The following CDH8 variants were observed in gnomAD, a reference collection of about 807,000 sequenced individuals.
The protein encoded by CDH8 is cadherin-8.
Under a neutral mutation model 68.1 loss-of-function variants are expected in CDH8, and 17 were observed. That is an observed-to-expected ratio of 0.25 (90% CI 0.17 to 0.37). The LOEUF (loss-of-function observed/expected upper bound fraction) is 0.37. Among genes scored for constraint, CDH8 ranks in the 10% least tolerant of loss-of-function variants. The pLI is 1.00. For missense variants in CDH8, 763 were observed against 999.3 expected (o/e 0.76, Z 3.19); for synonymous variants, 372 against 365.1 (o/e 1.02, Z -0.21).
chr16:61,667,710 G>C (rs1963706475), intron 10 of CDH8: 1 of 151,908 alleles, frequency 6.6e-6, no homozygotes, highest in Non-Finnish European at 1.5e-5. Context: ...TTTCCAGTTT[G>C]GGATTATTTG....
chr16:61,896,527 G>A (rs1345635521), intron 3 of CDH8, among the ~76,000 whole-genome samples: 1 of 152,174 alleles, frequency 6.6e-6, no homozygotes, highest in Non-Finnish European at 1.5e-5. Context: ...AGGAGGGGAG[G>A]GAAGAGACAG....
rs1206309371 is a variant in CDH8 at position 62,013,057 on chromosome 16, A to G, written c.252+8095T>C. 2.2e-5 allele frequency among the ~76,000 whole-genome samples: 2 copies of G among 92,682 alleles called. 1 individual carries two copies. The highest frequency in any genetic ancestry group is 4.7e-5 in the Non-Finnish European group (2 of 42,316). 60.8% of individuals were successfully genotyped at this position (92,682 alleles called of 152,430 possible). ...ATCATGAGGTCAGGAGATCGAGACC[A>G]TCCTGGCTAACAAGGTGAAACCCCG... On this transcript the variant is annotated intron_variant, in intron 2 of 11. Transcript: ENST00000577390.
At chr16:61,720,665 AC>A (rs756856461) in intron 9 of CDH8, among the ~76,000 whole-genome samples, 1 of 150,824 alleles carries the variant, frequency 6.6e-6, no homozygotes, top group Non-Finnish European at 1.5e-5. Flanking sequence ...AAAAAATTTA[AC>A]CCACAGATTC....
chr16:61,884,775 T>G (rs1412740230), intron 3 of CDH8, among the ~76,000 whole-genome samples: 2 of 152,190 alleles, frequency 1.3e-5, no homozygotes, highest in East Asian at 1.9e-4. Flanking sequence ...GTCAATTAAC[T>G]GCTTATGTTA....
chr16:61,901,117 G>T, intron 3 of CDH8, 62 bp downstream of exon 3: 1 of 1,395,148 alleles, frequency 7.2e-7, no homozygotes, highest in Non-Finnish European at 1.0e-6. Flanking sequence ...CACCATCCTT[G>T]ATGCCAGGAG....
At chr16:61,713,813 C>T (rs770637987) in intron 10 of CDH8, 28 bp downstream of exon 10, 3 of 1,147,008 alleles carry the variant, frequency 2.6e-6, no homozygotes, top group East Asian at 2.4e-5. Context: ...TTATATTGTA[C>T]TCTGTTTCAC....
chr16:61,960,013 T>TATATATATATATATATATAC lies in CDH8; in HGVS notation c.253-58541_253-58540insGTATATATATATATATATAT, dbSNP rs1428445364. 7.4e-5 allele frequency among the ~76,000 whole-genome samples: 6 copies of TATATATATATATATATATAC among 80,550 alleles called. 1 individual carries two copies. The highest frequency in any genetic ancestry group is 1.3e-4 in the Non-Finnish European group (6 of 46,228). 52.8% of individuals were successfully genotyped at this position (80,550 alleles called of 152,430 possible). On this transcript the variant is annotated intron_variant, in intron 2 of 11. Transcript: ENST00000577390. ...ATATATATATATATATATATATATA[T>TATATATATATATATATATAC]ATACACACATACACACACACACACA...
At position 61,884,338 on chromosome 16, in the gene CDH8, C is replaced by T. The variant is rs373267579; in HGVS notation, c.547+16841G>A. ...AGCACTTTATAATGGTCAACTTCCA[C>T]GTGATGAATAGTAAGTATATTTTAC... is the stretch of plus-strand genomic sequence containing the variant. On this transcript the variant is annotated intron_variant, in intron 3 of 11. Transcript: ENST00000577390. Among the ~76,000 whole-genome samples the T allele has an allele frequency of 2.0e-5, 3 of 151,754 alleles. No homozygotes were observed. The East Asian group carries it at 5.8e-4, about 29-fold the overall frequency.
chr16:61,734,623 TATC>T (rs1295410281), intron 8 of CDH8, among the ~76,000 whole-genome samples: 6 of 152,054 alleles, frequency 3.9e-5, no homozygotes, highest in Non-Finnish European at 7.4e-5. Flanking sequence ...CAGCAGCAAT[TATC>T]ATCTGCCTTC....
intron 10 of CDH8, among the ~76,000 whole-genome samples, chr16:61,674,127 T>C (rs945939546): frequency 6.6e-6 from 1 of 152,042 alleles, no homozygotes; most frequent in Non-Finnish European, 1.5e-5. Flanking sequence ...ACAAGAAAGA[T>C]ACACCATAAA....
intron 7 of CDH8, among the ~76,000 whole-genome samples, chr16:61,808,169 A>C (rs1169717486): frequency 6.6e-6 from 1 of 152,192 alleles, no homozygotes; most frequent in Admixed American, 6.6e-5. Flanking sequence ...AATCTATTCT[A>C]AGTCAGTTTC....
At chr16:61,662,197 T>C (rs1193823025) in intron 10 of CDH8, among the ~76,000 whole-genome samples, 1 of 151,020 alleles carries the variant, frequency 6.6e-6, no homozygotes, top group East Asian at 2.0e-4. Context: ...TCACTACCTC[T>C]AAACTTGGCT....
In CDH8 at chr16:61,832,032, C is replaced by A. The variant is rs78882898; in HGVS notation, c.668-6853G>T. 1.3e-3 allele frequency among the ~76,000 whole-genome samples: 197 copies of A among 151,802 alleles called. 6 individuals carry two copies. The East Asian group carries it at 0.022, about 17-fold the overall frequency. Reference sequence around the variant, plus strand: ...CTATAAGTGGGGGGGTCATGTACTGCACCCATACTTTCTGCTAGCTATGTG... The same window carrying A: ...CTATAAGTGGGGGGGTCATGTACTGAACCCATACTTTCTGCTAGCTATGTG... On this transcript the variant is annotated intron_variant, in intron 4 of 11. Transcript: ENST00000577390.
chr16:61,995,982 G>A (rs1965799632), intron 2 of CDH8, among the ~76,000 whole-genome samples: 1 of 152,150 alleles, frequency 6.6e-6, no homozygotes, highest in South Asian at 2.1e-4. Context: ...CTATGTGAAA[G>A]TTTCCTGTGT....
intron 2 of CDH8, among the ~76,000 whole-genome samples, chr16:61,956,252 T>A (rs1964987380): frequency 6.6e-6 from 1 of 152,202 alleles, no homozygotes; most frequent in Non-Finnish European, 1.5e-5. Context: ...AAATCTCTTC[T>A]GATCTCCTTT....
At chr16:61,891,174 G>T (rs921730149) in intron 3 of CDH8, among the ~76,000 whole-genome samples, 7 of 151,964 alleles carry the variant, frequency 4.6e-5, no homozygotes, top group Non-Finnish European at 8.8e-5. Flanking sequence ...CCCAAAAACA[G>T]TTGGCAGCCC....
chr16:61,655,014 T>C lies in CDH8; in HGVS notation c.1906+456A>G, dbSNP rs906310294. On this transcript the variant is annotated intron_variant, in intron 11 of 11. Coordinates refer to ENST00000577390, the MANE Select transcript of CDH8 (RefSeq NM_001796.5). ...GCAATGGTATTTTGAAGAAAACTTA[T>C]TTTTAGTTTGCTCATTTGCTTTCTT... Among the ~76,000 whole-genome samples the C allele has an allele frequency of 3.9e-5, 6 of 152,216 alleles. No homozygotes were observed. The East Asian group carries it at 1.2e-3, about 29-fold the overall frequency.
intron 4 of CDH8, among the ~76,000 whole-genome samples, chr16:61,841,546 G>A (rs1962683906): frequency 6.6e-6 from 1 of 152,066 alleles, no homozygotes; most frequent in South Asian, 2.1e-4. Flanking sequence ...GGGAGGGAGT[G>A]GGGATTGTTA....
Position 61,825,016 on chromosome 16 carries a change from T to C in CDH8, c.831A>G (p.Ala277=). The change falls in exon 5 of 12, where the codon GCA becomes GCG. Residue 277 remains alanine, a synonymous_variant. Transcript: ENST00000577390. ...TDVNDNPPKF[A]QSLYHFSVPE... The stretch of plus-strand genomic sequence containing the variant: ...CAGTGCAGGAAATTAACTTACTCTG[T>C]GCAAATTTTGGAGGATTGTCATTAA... 1 of 1,610,600 alleles carries C rather than the reference T, an allele frequency of 6.2e-7. No homozygotes were observed. The highest frequency in any genetic ancestry group is 8.5e-7 in the Non-Finnish European group (1 of 1,177,720).
Sources: gnomAD v4.1 joint callset for allele counts (sites outside exome capture counted in the v4.1 genomes callset) on GRCh38, gnomAD v4.1.1 for gene constraint, MANE v1.5 for transcripts, NCBI Gene and HGNC (gene_info 2026-07-23, HGNC 2026-07-21) for gene names.